The following ASIC4 variants were observed in gnomAD, a reference collection of about 807,000 sequenced individuals.
ASIC4 encodes acid-sensing ion channel 4.
Under a neutral mutation model 53.4 loss-of-function variants are expected in ASIC4, and 28 were observed. The ratio of observed to expected loss-of-function variants is 0.52; its 90% CI spans 0.39 to 0.72. The LOEUF is 0.72. Ranked by LOEUF, ASIC4 falls within the 30% of genes least tolerant of loss-of-function variation. The pLI is 0.00. For missense variants in ASIC4, 649 were observed against 729.7 expected (o/e 0.89, Z 1.27); for synonymous variants, 289 against 301.4 (o/e 0.96, Z 0.43).
chr2:219,522,197 A>G (rs942932670), intron 1 of ASIC4, among the ~76,000 whole-genome samples: 4 of 152,204 alleles, frequency 2.6e-5, no homozygotes, highest in Non-Finnish European at 5.9e-5. Flanking sequence ...AGGCGGCAGC[A>G]AGAGTTCAGA....
intron 1 of ASIC4, among the ~76,000 whole-genome samples, chr2:219,525,976 C>G (rs1694956151): frequency 6.6e-6 from 1 of 152,154 alleles, no homozygotes; most frequent in African/African-American, 2.4e-5. Flanking sequence ...AAGCCCAGGC[C>G]GAAGATTAGC....
Position 219,515,019 on chromosome 2 carries a change from G to C in ASIC4, c.295G>C (p.Val99Leu), listed in dbSNP as rs1343880535. 1 of 1,613,494 alleles carries C rather than the reference G, an allele frequency of 6.2e-7. No homozygotes were observed. The highest frequency in any genetic ancestry group is 8.5e-7 in the Non-Finnish European group (1 of 1,179,920). ...GGGCTACCTGACCCGGCCTCACCTGGTGGCAATGGACCCCGCTGCCCCAGC... is the reference window on the plus strand; with the variant it reads ...GGGCTACCTGACCCGGCCTCACCTGCTGGCAATGGACCCCGCTGCCCCAGC... Reference protein sequence around the residue: ...ARGYLTRPHLVAMDPAAPAPV... With the variant: ...ARGYLTRPHLLAMDPAAPAPV... Residue 99 changes from valine (V) to leucine (L), a missense_variant, in exon 1 of 10, where the codon GTG becomes CTG. By Grantham distance (32) the Val-to-Leu change is conservative (BLOSUM62 1). Transcript: ENST00000358078.
At chr2:219,535,450 G>GGTGTGGGT (rs1235239671) in intron 6 of ASIC4, 126 bp downstream of exon 6, 2 of 1,130,516 alleles carry the variant, frequency 1.8e-6, no homozygotes, top group East Asian at 5.4e-5. Flanking sequence ...TGTGTATGTG[G>GGTGTGGGT]GTGTGGGTGT....
upstream of ASIC4, among the ~76,000 whole-genome samples, chr2:219,511,252 A>T (rs536351411): frequency 4.0e-5 from 6 of 148,568 alleles, no homozygotes; most frequent in Admixed American, 2.0e-4. The surrounding 1 kb of genome is among the most constrained non-coding windows in gnomAD (Gnocchi z 5.3). Context: ...CACCCTTGGA[A>T]CCCCCCAGGT....
In ASIC4 at chr2:219,537,682, G is replaced by A; in HGVS notation, c.1452G>A (p.Leu484=). Residue 484 remains leucine (L), a synonymous_variant, in exon 9 of 10, where the codon CTG becomes CTA. Transcript: ENST00000358078. The surrounding 1 kb of genome is among the most constrained non-coding windows in gnomAD (Gnocchi z 4.9). ...TATGGAGGCGTCCCAAGACCCCCCT[G>A]CGGACCTCCACTGGGGGCATCTCCA... The part of the protein sequence containing the change: ...KRVWRRPKTP[L]RTSTGGISTL... The A allele has an allele frequency of 6.2e-7, 1 of 1,614,138 alleles. No individual in the cohort carries two copies.
At chr2:219,526,727 G>A (rs1239962778) in intron 1 of ASIC4, among the ~76,000 whole-genome samples, 3 of 152,144 alleles carry the variant, frequency 2.0e-5, no homozygotes, top group Non-Finnish European at 1.5e-5. Context: ...GGCAGGTGCT[G>A]GCCAGAAGGA....
chr2:219,508,904 G>A, the ASIC4 span, among the ~76,000 whole-genome samples: 4 of 150,778 alleles, frequency 2.7e-5, no homozygotes, highest in East Asian at 3.9e-4. Context: ...AAATCAGCGA[G>A]GGGGAGCAAG....
rs956182320 is a variant in ASIC4 at position 219,518,961 on chromosome 2, C to T, written c.582+3655C>T. ...CGTTGTTGCCCAGGCTGGAGTGCAG[C>T]GGCGCGATCTCGGCTCACTACAGGC... On this transcript the variant is annotated intron_variant, in intron 1 of 9. Transcript: ENST00000358078. This position sits in a 1 kb window ranked among gnomAD's most constrained non-coding sequence, Gnocchi z 4.8. Among the ~76,000 whole-genome samples, 2 of 152,056 alleles carry T rather than the reference C, an allele frequency of 1.3e-5. No individual in the cohort carries two copies. Among genetic ancestry groups the T allele is most frequent in the Non-Finnish European group, 2.9e-5 (2 of 67,992 alleles).
At chr2:219,514,071 C>T, upstream of ASIC4, 1 of 448,504 alleles carries the variant, frequency 2.2e-6, no homozygotes, top group Non-Finnish European at 3.9e-6. Context: ...GTTGGCTGAC[C>T]CTTCATGGGG....
chr2:219,514,370 G>C, upstream of ASIC4: 1 of 1,545,518 alleles, frequency 6.5e-7, no homozygotes, highest in South Asian at 1.2e-5. Flanking sequence ...CTGGGGCTGC[G>C]CGGCGTGGCG....
rs1694838929 is a variant in ASIC4 at position 219,518,772 on chromosome 2, G to A, written c.582+3466G>A. On this transcript the variant is annotated intron_variant, in intron 1 of 9. Transcript: ENST00000358078. This position sits in a 1 kb window ranked among gnomAD's most constrained non-coding sequence, Gnocchi z 4.8. Reference sequence around the variant, plus strand: ...GGCTTCATTTCTTGAGCTGTAAAATGCAAGGGTGGCTCTAAAATTCAGCAT... The same window carrying A: ...GGCTTCATTTCTTGAGCTGTAAAATACAAGGGTGGCTCTAAAATTCAGCAT... Among the ~76,000 whole-genome samples, 1 of 152,216 alleles carries A rather than the reference G, an allele frequency of 6.6e-6. No individual in the cohort carries two copies. The highest frequency in any genetic ancestry group is 2.4e-5 in the African/African-American group (1 of 41,452).
intron 1 of ASIC4, among the ~76,000 whole-genome samples, chr2:219,526,018 G>A (rs1016516834): frequency 5.3e-5 from 8 of 152,198 alleles, no homozygotes; most frequent in Admixed American, 5.2e-4. Context: ...GCATCTCCTG[G>A]CTGCTTCTTA....
upstream of ASIC4, chr2:219,514,068 G>A (rs112914682): frequency 9.8e-3 from 4,351 of 445,754 alleles, 170 homozygotes; most frequent in African/African-American, 0.08. Flanking sequence ...AGAGTTGGCT[G>A]ACCCTTCATG....
chr2:219,534,308 A>G (rs1431023031), intron 5 of ASIC4, among the ~76,000 whole-genome samples: 1 of 152,248 alleles, frequency 6.6e-6, no homozygotes, highest in East Asian at 1.9e-4. Context: ...GAAGGAACAG[A>G]TATGTGATCA....
Position 219,532,932 on chromosome 2 carries a change from C to T in ASIC4, c.1068C>T (p.His356=), listed in dbSNP as rs1330861204. The change falls in exon 5 of 10, where the codon CAC becomes CAT. Residue 356 remains histidine, a synonymous_variant. Transcript: ENST00000358078. ...PPNIYIECAD[H]TLDSLGGGPE... ...ATATCTACATCGAGTGTGCAGACCACACACTGGGTCCGTGCTGCCTACCCT... is the reference window on the plus strand; with the variant it reads ...ATATCTACATCGAGTGTGCAGACCATACACTGGGTCCGTGCTGCCTACCCT... The T allele has an allele frequency of 1.2e-6, 2 of 1,614,006 alleles. No homozygotes were observed. The highest frequency in any genetic ancestry group is 2.2e-5 in the East Asian group (1 of 44,896).
intron 2 of ASIC4, 42 bp from the exon 3 acceptor site, chr2:219,531,959 G>A (rs569648325): frequency 1.2e-6 from 2 of 1,613,276 alleles, no homozygotes; most frequent in South Asian, 2.2e-5. Flanking sequence ...TGGGCCCTCT[G>A]CCTGGGATGG....
intron 1 of ASIC4, among the ~76,000 whole-genome samples, chr2:219,528,327 G>A (rs1178765631): frequency 6.6e-6 from 1 of 151,894 alleles, no homozygotes; most frequent in Non-Finnish European, 1.5e-5. Context: ...GGGTTCAAGC[G>A]ATTCTCCTAT....
Position 219,531,768 on chromosome 2 carries a change from G to C in ASIC4, c.593G>C (p.Arg198Pro). Residue 198 changes from arginine to proline, a missense_variant, in exon 2 of 10, where the codon CGC (arginine) becomes CCC (proline). Transcript: ENST00000358078. ...CACCCCACCTCCCAGGTCTATACTC[G>C]CTATGGGAAGTGTTACACCTTCAAC... Reference protein sequence around the residue: ...SASNFSVVYTRYGKCYTFNAD... With the variant: ...SASNFSVVYTPYGKCYTFNAD... 6.3e-7 allele frequency: 1 copy of C among 1,599,992 alleles called. No homozygotes were observed. The highest frequency in any genetic ancestry group is 8.5e-7 in the Non-Finnish European group (1 of 1,173,058).
At position 219,537,975 on chromosome 2, in the gene ASIC4, A is replaced by G; in HGVS notation, c.1549A>G (p.Ser517Gly). 6.2e-7 allele frequency: 1 copy of G among 1,612,808 alleles called. No homozygotes were observed. Among genetic ancestry groups the G allele is most frequent in the Non-Finnish European group, 8.5e-7 (1 of 1,179,558 alleles). ...GGGCCGAGTGGAGGGTGGGGGGGTCAGCAGTCTGCTCCCCAATCACCACCA... is the reference window on the plus strand; with the variant it reads ...GGGCCGAGTGGAGGGTGGGGGGGTCGGCAGTCTGCTCCCCAATCACCACCA... Reference protein sequence around the residue: ...SRGRVEGGGVSSLLPNHHHPH... With the variant: ...SRGRVEGGGVGSLLPNHHHPH... Residue 517 changes from serine (S) to glycine (G), a missense_variant, in exon 10 of 10, where the codon AGC becomes GGC. Physicochemically the swap from Ser to Gly is moderately conservative, Grantham distance 56 (BLOSUM62 0). Transcript: ENST00000358078. This position sits in a 1 kb window ranked among gnomAD's most constrained non-coding sequence, Gnocchi z 4.9.
Sources: allele counts gnomAD v4.1 joint callset (sites outside exome capture counted in the v4.1 genomes callset), GRCh38; gene constraint gnomAD v4.1.1; non-coding constraint Gnocchi (gnomAD v3.1); transcripts MANE v1.5; gene names NCBI Gene and HGNC (gene_info 2026-07-23, HGNC 2026-07-21).